Variants in GRM5 observed in about 807,000 individuals in gnomAD.
GRM5 encodes the protein metabotropic glutamate receptor 5.
GRM5 carries 19 observed loss-of-function variants against 83.1 expected under a neutral mutation model. The observed-to-expected ratio is 0.23, with a 90% confidence interval of 0.16 to 0.34. The LOEUF is 0.34. GRM5 is among the 10% of genes least tolerant of loss of function. The pLI is 1.00. For synonymous variants in GRM5, 675 were observed against 633.6 expected (o/e 1.07, Z -0.98); for missense variants, 1,160 against 1,588.3 (o/e 0.73, Z 4.58).
chr11:88,524,378 C>T (rs191865991), intron 9 of GRM5, among the ~76,000 whole-genome samples: 19 of 152,068 alleles, frequency 1.2e-4, no homozygotes, highest in Admixed American at 3.9e-4. Flanking sequence ...CCACCATGCC[C>T]GGCTAATTTT....
chr11:88,713,591 C>T (rs1023722083), intron 3 of GRM5, among the ~76,000 whole-genome samples: 13 of 152,130 alleles, frequency 8.5e-5, no homozygotes, highest in African/African-American at 2.4e-4. Context: ...TTCTTTTACT[C>T]TCCCAGGGTG....
chr11:88,651,068 T>C (rs1295863536), intron 4 of GRM5, among the ~76,000 whole-genome samples: 2 of 151,946 alleles, frequency 1.3e-5, no homozygotes, highest in East Asian at 3.9e-4. Context: ...GAACAGATTC[T>C]GAGCAGAGAT....
chr11:88,757,548 C>T (rs1234610923), intron 3 of GRM5, among the ~76,000 whole-genome samples: 7 of 152,106 alleles, frequency 4.6e-5, no homozygotes, highest in African/African-American at 1.4e-4. Flanking sequence ...AGAGAGAGCA[C>T]ACAGACTTGT....
At chr11:88,870,335 T>C (rs1224627912) in intron 2 of GRM5, among the ~76,000 whole-genome samples, 1 of 151,446 alleles carries the variant, frequency 6.6e-6, no homozygotes, top group East Asian at 1.9e-4. Flanking sequence ...AGAATGAAAA[T>C]AATATTTAAA....
At chr11:88,986,402 T>A (rs1288002968) in intron 2 of GRM5, among the ~76,000 whole-genome samples, 1 of 152,180 alleles carries the variant, frequency 6.6e-6, no homozygotes, top group Non-Finnish European at 1.5e-5. Flanking sequence ...CTAGTGGTGA[T>A]GGAACACTTC....
intron 9 of GRM5, among the ~76,000 whole-genome samples, chr11:88,512,714 G>A (rs1434171328): frequency 6.6e-6 from 1 of 152,210 alleles, no homozygotes; most frequent in Non-Finnish European, 1.5e-5. Flanking sequence ...GTCTCATTTG[G>A]TTAAGGTTGT....
chr11:88,606,061 GGA>G (rs1938134719), intron 4 of GRM5, among the ~76,000 whole-genome samples: 1 of 152,150 alleles, frequency 6.6e-6, no homozygotes, highest in South Asian at 2.1e-4. Context: ...TCAGATGAAG[GGA>G]GAGAAAGAGT....
intron 2 of GRM5, among the ~76,000 whole-genome samples, chr11:88,854,978 A>AT (rs914491145): frequency 6.6e-6 from 1 of 151,892 alleles, no homozygotes; most frequent in African/African-American, 2.4e-5. Context: ...TAAGATAAAG[A>AT]TAATAAAGTA....
intron 3 of GRM5, among the ~76,000 whole-genome samples, chr11:88,804,786 T>C (rs933570376): frequency 2.6e-5 from 4 of 152,070 alleles, no homozygotes; most frequent in African/African-American, 7.2e-5. Flanking sequence ...CACATGGACA[T>C]ACAGTGGGGA....
intron 2 of GRM5, among the ~76,000 whole-genome samples, chr11:88,927,264 C>G (rs1409407714): frequency 6.6e-6 from 1 of 152,016 alleles, no homozygotes; most frequent in Admixed American, 6.6e-5. Flanking sequence ...TAGCCAAATA[C>G]CCCAGAATTT....
chr11:89,015,456 T>A (rs1940827075), intron 2 of GRM5, among the ~76,000 whole-genome samples: 1 of 152,194 alleles, frequency 6.6e-6, no homozygotes, highest in Non-Finnish European at 1.5e-5. Context: ...AATGGGTGTC[T>A]GTTGGCAGTG....
intron 7 of GRM5, among the ~76,000 whole-genome samples, 175 bp downstream of exon 7, chr11:88,590,426 G>A (rs56257834): frequency 1.3e-5 from 2 of 152,138 alleles, no homozygotes; most frequent in Non-Finnish European, 2.9e-5. Flanking sequence ...TCTCCCAGAG[G>A]TCTGAAGATT....
chr11:88,554,810 G>C (rs1942588608), intron 8 of GRM5, among the ~76,000 whole-genome samples: 1 of 152,156 alleles, frequency 6.6e-6, no homozygotes, highest in Non-Finnish European at 1.5e-5. Flanking sequence ...CTCTGAGACT[G>C]CTATGGAATT....
chr11:88,647,652 T>C (rs915074056), intron 4 of GRM5, among the ~76,000 whole-genome samples: 9 of 151,996 alleles, frequency 5.9e-5, no homozygotes, highest in African/African-American at 2.2e-4. Flanking sequence ...AATTGACAAA[T>C]GGGATCTAAT....
At position 88,520,626 on chromosome 11, in the gene GRM5, A is replaced by G. The variant is rs535353716; in HGVS notation, c.2726+4683T>C. Among the ~76,000 whole-genome samples the G allele has an allele frequency of 5.9e-4, 90 of 151,996 alleles. 1 individual carries two copies. In the South Asian group the frequency reaches 9.7e-3, roughly 16 times the overall value. ...CTGCAGATTTTCAAGGGCATTAGTCATATCTTGGTCATCCATTTATCTCTA... is the reference window on the plus strand; with the variant it reads ...CTGCAGATTTTCAAGGGCATTAGTCGTATCTTGGTCATCCATTTATCTCTA... On this transcript the variant is annotated intron_variant, in intron 9 of 9. Coordinates refer to ENST00000305447, the MANE Select transcript of GRM5 (RefSeq NM_001143831.3).
intron 3 of GRM5, among the ~76,000 whole-genome samples, chr11:88,663,151 G>T (rs750759208): frequency 6.6e-6 from 1 of 152,106 alleles, no homozygotes; most frequent in South Asian, 2.1e-4. Flanking sequence ...AATCTTAGGC[G>T]GTCTGACCTA....
At chr11:89,055,396 G>T (rs1044525344) in intron 1 of GRM5, among the ~76,000 whole-genome samples, 4 of 152,072 alleles carry the variant, frequency 2.6e-5, no homozygotes, top group Non-Finnish European at 2.9e-5. Flanking sequence ...CCCTCACCTG[G>T]CAGTGTTTGC....
chr11:88,615,674 G>C (rs1459902694), intron 4 of GRM5, among the ~76,000 whole-genome samples: 1 of 149,426 alleles, frequency 6.7e-6, no homozygotes, highest in African/African-American at 2.5e-5. Flanking sequence ...AAAAATCAAA[G>C]TTACTGTGAA....
At position 88,766,790 on chromosome 11, in the gene GRM5, G is replaced by C. The variant is rs577851308; in HGVS notation, c.911+83116C>G. Among the ~76,000 whole-genome samples the C allele has an allele frequency of 1.4e-4, 22 of 152,050 alleles. No individual in the cohort carries two copies. The South Asian group carries it at 3.5e-3, about 24-fold the overall frequency. ...ACCTACAGAATGGAAGAAAATATTT[G>C]CAAACTATGTATCTGACAAAGGTCT... On this transcript the variant is annotated intron_variant, in intron 3 of 9. Transcript: ENST00000305447.
Sources: allele counts gnomAD v4.1 joint callset (sites outside exome capture counted in the v4.1 genomes callset), GRCh38; gene constraint gnomAD v4.1.1; transcripts MANE v1.5; gene names NCBI Gene and HGNC (gene_info 2026-07-23, HGNC 2026-07-21).